GRM8: variants seen among roughly 807,000 people sequenced by gnomAD.
GRM8 encodes glutamate metabotropic receptor 8.
A neutral mutation model predicts 87.2 loss-of-function variants in GRM8; 47 were observed. The ratio of observed to expected loss-of-function variants is 0.54; its 90% CI spans 0.43 to 0.69. The LOEUF (loss-of-function observed/expected upper bound fraction) is 0.69, where lower values mean the gene tolerates loss of function less well. Among genes scored for constraint, GRM8 ranks in the 30% least tolerant of loss-of-function variants. GRM8 has a pLI of 0.00. For synonymous variants in GRM8, 396 were observed against 404.5 expected (o/e 0.98, Z 0.25); for missense variants, 1,019 against 1,139.2 (o/e 0.89, Z 1.52).
At chr7:126,715,263 G>C (rs1442081962) in intron 7 of GRM8, among the ~76,000 whole-genome samples, 1 of 152,168 alleles carries the variant, frequency 6.6e-6, no homozygotes, top group African/African-American at 2.4e-5. Context: ...AGCATCACAA[G>C]GCATTTTAAG....
chr7:126,691,974 AGCAT>A (rs1808862672), intron 7 of GRM8, among the ~76,000 whole-genome samples: 1 of 152,224 alleles, frequency 6.6e-6, no homozygotes, highest in Admixed American at 6.5e-5. Context: ...TTTAGGTCTG[AGCAT>A]GAAGGACTGT....
At chr7:127,167,233 G>A (rs567027728) in intron 2 of GRM8, among the ~76,000 whole-genome samples, 1 of 152,062 alleles carries the variant, frequency 6.6e-6, no homozygotes, top group Non-Finnish European at 1.5e-5. Flanking sequence ...CCAAAAACCA[G>A]TCTGCTCCTT....
intron 3 of GRM8, among the ~76,000 whole-genome samples, chr7:127,093,629 T>TC (rs543308433): frequency 2.6e-5 from 4 of 152,246 alleles, no homozygotes; most frequent in African/African-American, 9.6e-5. Flanking sequence ...ATTATTTTTT[T>TC]CCTCACTGCT....
intron 8 of GRM8, among the ~76,000 whole-genome samples, chr7:126,555,533 T>A (rs193192590): frequency 6.0e-4 from 87 of 144,678 alleles, no homozygotes; most frequent in Middle Eastern, 3.5e-3. Context: ...ATACCTGCAT[T>A]TACTATATTT....
intron 9 of GRM8, among the ~76,000 whole-genome samples, chr7:126,516,008 T>C (rs1812109385): frequency 6.6e-6 from 1 of 152,136 alleles, no homozygotes; most frequent in Admixed American, 6.6e-5. Flanking sequence ...TATTTTATTC[T>C]AATTTAAGCA....
intron 7 of GRM8, among the ~76,000 whole-genome samples, chr7:126,744,949 T>C (rs1815470619): frequency 7.0e-6 from 1 of 143,266 alleles, no homozygotes; most frequent in Admixed American, 7.1e-5. Context: ...AATATGTTAT[T>C]TATTAACATG....
intron 3 of GRM8, among the ~76,000 whole-genome samples, chr7:126,997,704 G>A (rs1216100659): frequency 1.3e-5 from 2 of 151,660 alleles, no homozygotes; most frequent in Admixed American, 6.6e-5. Context: ...TAAATTCCTA[G>A]GCTCAAACAA....
intron 3 of GRM8, among the ~76,000 whole-genome samples, chr7:127,105,144 C>A (rs1435646432): frequency 1.3e-5 from 2 of 152,144 alleles, no homozygotes; most frequent in Non-Finnish European, 2.9e-5. Flanking sequence ...TTTGAGTGGG[C>A]ATTTCCTCTA....
intron 9 of GRM8, among the ~76,000 whole-genome samples, chr7:126,466,321 T>G (rs908604157): frequency 2.0e-5 from 3 of 151,938 alleles, no homozygotes; most frequent in African/African-American, 4.8e-5. Flanking sequence ...GGTCATTGTA[T>G]TCCTTATTAA....
intron 6 of GRM8, among the ~76,000 whole-genome samples, chr7:126,849,233 G>T (rs1037028190): frequency 1.3e-5 from 2 of 152,110 alleles, no homozygotes; most frequent in South Asian, 2.1e-4. Flanking sequence ...ATAAATACTT[G>T]TCCCATTATA....
intron 8 of GRM8, among the ~76,000 whole-genome samples, chr7:126,558,657 T>A (rs931892754): frequency 6.6e-6 from 1 of 152,200 alleles, no homozygotes; most frequent in Non-Finnish European, 1.5e-5. Flanking sequence ...CTGCATTTTT[T>A]AGGGAATAAT....
At chr7:127,196,927 G>A (rs995633213) in intron 2 of GRM8, among the ~76,000 whole-genome samples, 2 of 152,104 alleles carry the variant, frequency 1.3e-5, no homozygotes, top group African/African-American at 4.8e-5. Flanking sequence ...TCACTATGTT[G>A]CCCAGGCTGG....
chr7:126,788,344 A>G (rs1433630982), intron 6 of GRM8, among the ~76,000 whole-genome samples: 2 of 140,506 alleles, frequency 1.4e-5, no homozygotes, highest in Non-Finnish European at 3.0e-5. Flanking sequence ...CAGCAAGTGA[A>G]GGTTGCAGTG....
chr7:126,857,251 A>G (rs1797768665), intron 6 of GRM8, among the ~76,000 whole-genome samples: 2 of 152,316 alleles, frequency 1.3e-5, no homozygotes, highest in Non-Finnish European at 1.5e-5. Context: ...TCTAAGCTTT[A>G]TAAAACCTCT....
Position 126,849,806 on chromosome 7 carries a change from T to C in GRM8, c.1156+52736A>G, listed in dbSNP as rs111816677. On this transcript the variant is annotated intron_variant, in intron 6 of 10. Coordinates refer to ENST00000339582, the MANE Select transcript of GRM8 (RefSeq NM_000845.3). ...CCTTCATACCCATCTCCTCTCCCTT[T>C]ACCATGCTCCAACTTAGCCAACCCT... Among the ~76,000 whole-genome samples the C allele has an allele frequency of 6.9e-3, 1,051 of 152,180 alleles. 12 individuals are homozygous for C. The highest frequency in any genetic ancestry group is 0.023 in the African/African-American group (973 of 41,552).
intron 9 of GRM8, among the ~76,000 whole-genome samples, chr7:126,490,094 T>A (rs1807827404): frequency 6.6e-6 from 1 of 152,086 alleles, no homozygotes; most frequent in Non-Finnish European, 1.5e-5. Context: ...TGGTGAGACT[T>A]CTCAGTTTCC....
intron 7 of GRM8, among the ~76,000 whole-genome samples, chr7:126,651,003 A>G (rs1803791017): frequency 6.6e-6 from 1 of 152,100 alleles, no homozygotes; most frequent in African/African-American, 2.4e-5. Flanking sequence ...CCTTGAGGTG[A>G]TCAGCCATCT....
intron 3 of GRM8, among the ~76,000 whole-genome samples, chr7:126,942,817 T>C (rs1271087083): frequency 6.6e-6 from 1 of 152,122 alleles, no homozygotes; most frequent in Non-Finnish European, 1.5e-5. Context: ...CTTCCACCAG[T>C]AGCACAGACT....
intron 1 of GRM8, among the ~76,000 whole-genome samples, chr7:127,244,451 T>A (rs1798478768): frequency 6.6e-6 from 1 of 150,412 alleles, no homozygotes; most frequent in South Asian, 2.1e-4. Context: ...TCCGTAAGAT[T>A]TTTTTCAAAC....
Sources: gnomAD v4.1 joint callset for allele counts (sites outside exome capture counted in the v4.1 genomes callset) on GRCh38, gnomAD v4.1.1 for gene constraint, MANE v1.5 for transcripts, NCBI Gene and HGNC (gene_info 2026-07-23, HGNC 2026-07-21) for gene names.